Variants in CRYM observed in about 807,000 individuals in gnomAD.
The protein encoded by CRYM is crystallin mu.
A neutral mutation model predicts 32.9 loss-of-function variants in CRYM; 18 were observed. That is an observed-to-expected ratio of 0.55 (90% CI 0.38 to 0.81). The LOEUF is 0.81. Among genes scored for constraint, CRYM ranks in the 30% least tolerant of loss-of-function variants. The pLI, the probability that CRYM is intolerant of heterozygous loss-of-function variation, is 0.00. For synonymous variants in CRYM, 153 were observed against 152.4 expected (o/e 1.00, Z -0.03); for missense variants, 337 against 393.5 (o/e 0.86, Z 1.21).
chr16:21,266,803 G>A (rs938809091), intron 5 of CRYM, among the ~76,000 whole-genome samples: 1 of 151,976 alleles, frequency 6.6e-6, no homozygotes, highest in Non-Finnish European at 1.5e-5. Flanking sequence ...CCAGGAGTTC[G>A]AGACCAGCCT....
chr16:21,281,109 ACTCT>A (rs34104117), upstream of CRYM, among the ~76,000 whole-genome samples: 278 of 127,284 alleles, frequency 2.2e-3, no homozygotes, highest in East Asian at 0.017. Context: ...TCTCTCTCTC[ACTCT>A]CTCTCTCTCT....
intron 1 of CRYM, chr16:21,283,373 G>C (rs76843505): frequency 6.6e-6 from 1 of 151,978 alleles, no homozygotes; most frequent in Non-Finnish European, 1.5e-5. Flanking sequence ...CAACAAAGAC[G>C]GCTCAGGATT....
At chr16:21,296,444 G>A (rs1597632452) in intron 1 of CRYM, among the ~76,000 whole-genome samples, 1 of 152,044 alleles carries the variant, frequency 6.6e-6, no homozygotes, top group African/African-American at 2.4e-5. Context: ...CAAAACCACA[G>A]AACAAATACT....
At chr16:21,261,144 G>C in intron 7 of CRYM, 110 bp downstream of exon 7, 1 of 841,120 alleles carries the variant, frequency 1.2e-6, no homozygotes, top group Admixed American at 1.8e-5. Flanking sequence ...CTGAATGATG[G>C]AGCACAATGA....
At chr16:21,291,608 TA>T (rs1228389516) in intron 1 of CRYM, among the ~76,000 whole-genome samples, 1 of 152,120 alleles carries the variant, frequency 6.6e-6, no homozygotes. Context: ...TATATTGTAT[TA>T]TACATTAATC....
Position 21,267,684 on chromosome 16 carries a change from C to T in CRYM, c.543G>A (p.Val181=), listed in dbSNP as rs527884670. The change falls in exon 5 of 8, where the codon GTG becomes GTA. Residue 181 remains valine, a synonymous_variant. Coordinates refer to ENST00000572914, the MANE Select transcript of CRYM (RefSeq NM_001376256.1). ...KENAEKFADT[V]QGEVRVCSSV... ...AAGAACAGACCCGTACCTCTCCTTG[C>T]ACTGTGTCTGCAAACTTCTCTGCAT... The T allele has an allele frequency of 1.1e-5, 18 of 1,614,258 alleles. No homozygotes were observed. In the South Asian group the frequency reaches 2.0e-4, roughly 18 times the overall value.
At chr16:21,290,100 G>A (rs1960591333) in intron 1 of CRYM, among the ~76,000 whole-genome samples, 2 of 152,042 alleles carry the variant, frequency 1.3e-5, no homozygotes, top group South Asian at 2.1e-4. Flanking sequence ...CAGGATGTGG[G>A]TGGGGCCAAA....
At chr16:21,291,030 A>C (rs1288907991) in intron 1 of CRYM, among the ~76,000 whole-genome samples, 2 of 152,234 alleles carry the variant, frequency 1.3e-5, no homozygotes, top group African/African-American at 2.4e-5. Context: ...CAGGGGTAGT[A>C]TACTTTATGC....
chr16:21,275,916 T>C (rs1212290093), intron 2 of CRYM, among the ~76,000 whole-genome samples: 1 of 152,220 alleles, frequency 6.6e-6, no homozygotes, highest in Non-Finnish European at 1.5e-5. Context: ...TTTTCTTTTC[T>C]TGCCCTAGGA....
intron 1 of CRYM, among the ~76,000 whole-genome samples, chr16:21,298,446 T>C (rs1597633582): frequency 6.6e-6 from 1 of 152,352 alleles, no homozygotes; most frequent in Non-Finnish European, 1.5e-5. Context: ...ACCAGATTAC[T>C]GTGCAGAAAG....
chr16:21,277,874 C>T lies in CRYM; in HGVS notation c.170+208G>A, dbSNP rs2093390196. Among the ~76,000 whole-genome samples, 1 of 152,158 alleles carries T rather than the reference C, an allele frequency of 6.6e-6. No homozygotes were observed. Among genetic ancestry groups the T allele is most frequent in the African/African-American group, 2.4e-5 (1 of 41,430 alleles). On this transcript the variant is annotated intron_variant, in intron 1 of 7. Coordinates refer to ENST00000572914, the MANE Select transcript of CRYM (RefSeq NM_001376256.1). The surrounding 1 kb of genome is among the most constrained non-coding windows in gnomAD (Gnocchi z 4.2). ...CACCAATCAAATGGTGGTATCAATA[C>T]CTCCCTAGGTGGAGAGTGTGCTGAA...
chr16:21,269,766 T>TG, intron 4 of CRYM, 24 bp downstream of exon 4: 15 of 690,470 alleles, frequency 2.2e-5, no homozygotes, highest in South Asian at 7.1e-5. Flanking sequence ...CCCTCTTCTC[T>TG]CCCACCCCCA....
Position 21,287,116 on chromosome 16 carries a change from A to G in CRYM, c.-192-8156T>C, listed in dbSNP as rs73541757. Among the ~76,000 whole-genome samples the G allele has an allele frequency of 6.3e-3, 956 of 152,242 alleles. 10 individuals carry two copies. Among genetic ancestry groups the G allele is most frequent in the African/African-American group, 0.022 (912 of 41,530 alleles). On this transcript the variant is annotated intron_variant, in intron 1 of 9. Transcript: ENST00000219599. Reference sequence around the variant, plus strand: ...AAAAAAAAAAAAAGGAAAATACTTAATTTTAGAATTTGAAATTTGATTTTT... The same window carrying G: ...AAAAAAAAAAAAAGGAAAATACTTAGTTTTAGAATTTGAAATTTGATTTTT...
chr16:21,299,694 T>G (rs1960863520), intron 1 of CRYM, among the ~76,000 whole-genome samples: 1 of 152,170 alleles, frequency 6.6e-6, no homozygotes, highest in Admixed American at 6.5e-5. Flanking sequence ...TGCTATGAAC[T>G]CCACATAATA....
chr16:21,268,694 G>A (rs1423895673), intron 4 of CRYM: 1 of 152,144 alleles, frequency 6.6e-6, no homozygotes, highest in African/African-American at 2.4e-5. Flanking sequence ...CCTGAAAAGT[G>A]ATGTTAGAAC....
At chr16:21,265,755 A>G (rs1181469827) in intron 5 of CRYM, among the ~76,000 whole-genome samples, 1 of 152,250 alleles carries the variant, frequency 6.6e-6, no homozygotes, top group Non-Finnish European at 1.5e-5. Flanking sequence ...AGTTCACACC[A>G]TGTGCTTGTC....
chr16:21,267,849 G>A, intron 4 of CRYM, 112 bp from the exon 5 acceptor site: 1 of 1,011,054 alleles, frequency 9.9e-7, no homozygotes, highest in South Asian at 1.3e-5. Flanking sequence ...GGGGTCAGTG[G>A]TTATCTAAAT....
At chr16:21,262,738 T>C (rs2093356862) in intron 5 of CRYM, among the ~76,000 whole-genome samples, 1 of 152,218 alleles carries the variant, frequency 6.6e-6, no homozygotes, top group Non-Finnish European at 1.5e-5. Flanking sequence ...GTGTCTACTC[T>C]CTGTGGGATG....
intron 2 of CRYM, among the ~76,000 whole-genome samples, chr16:21,276,582 G>C (rs2093387029): frequency 6.6e-6 from 1 of 152,138 alleles, no homozygotes; most frequent in African/African-American, 2.4e-5. Context: ...ACTAACCTGA[G>C]CCTCAAGGAC....
Sources: allele counts gnomAD v4.1 joint callset (sites outside exome capture counted in the v4.1 genomes callset), GRCh38; gene constraint gnomAD v4.1.1; non-coding constraint Gnocchi (gnomAD v3.1); transcripts MANE v1.5; gene names NCBI Gene and HGNC (gene_info 2026-07-23, HGNC 2026-07-21).